The following HS3ST3B1 variants were observed in gnomAD, a reference collection of about 807,000 sequenced individuals.
HS3ST3B1 encodes heparan sulfate glucosamine 3-O-sulfotransferase 3B1.
A neutral mutation model predicts 21.3 loss-of-function variants in HS3ST3B1; 13 were observed. The observed-to-expected ratio is 0.61, with a 90% CI of 0.40 to 0.97. The LOEUF (loss-of-function observed/expected upper bound fraction) is 0.97, where lower values mean the gene tolerates loss of function less well. Among genes scored for constraint, HS3ST3B1 ranks in the 50% least tolerant of loss-of-function variants. The pLI, the probability that HS3ST3B1 is intolerant of heterozygous loss-of-function variation, is 0.00. For missense variants in HS3ST3B1, 459 were observed against 554.8 expected, an observed-to-expected ratio of 0.83 and a Z score of 1.73; for synonymous variants, 234 against 254.8, an observed-to-expected ratio of 0.92 and a Z score of 0.78.
chr17:14,316,759 C>T (rs550808358), intron 1 of HS3ST3B1, among the ~76,000 whole-genome samples: 4 of 152,302 alleles, frequency 2.6e-5, no homozygotes, highest in Admixed American at 2.0e-4. Context: ...TGAAAAGTGT[C>T]CTGCAGTTCA....
intron 1 of HS3ST3B1, among the ~76,000 whole-genome samples, chr17:14,320,268 A>T (rs188468528): frequency 2.3e-4 from 35 of 152,270 alleles, no homozygotes; most frequent in African/African-American, 7.0e-4. Context: ...TCTAGGCGGG[A>T]TGGGGCGCTG....
At chr17:14,329,428 A>T (rs978475463) in intron 1 of HS3ST3B1, 1 of 147,202 alleles carries the variant, frequency 6.8e-6, no homozygotes, top group African/African-American at 2.6e-5. Flanking sequence ...AGAGAGAGGA[A>T]GGAAGGAAGG....
chr17:14,319,712 G>A (rs1243184638), intron 1 of HS3ST3B1, among the ~76,000 whole-genome samples: 2 of 152,178 alleles, frequency 1.3e-5, no homozygotes, highest in Non-Finnish European at 2.9e-5. Context: ...CCAAGAGTGA[G>A]GGGGTAGACG....
chr17:14,338,282 C>T (rs535126118), intron 1 of HS3ST3B1, among the ~76,000 whole-genome samples: 119 of 151,446 alleles, frequency 7.9e-4, no homozygotes, highest in African/African-American at 2.2e-3. Context: ...CGTGCCGCCA[C>T]GCCCGGCTAA....
At chr17:14,315,566 T>C (rs1909470892) in intron 1 of HS3ST3B1, among the ~76,000 whole-genome samples, 1 of 152,158 alleles carries the variant, frequency 6.6e-6, no homozygotes, top group African/African-American at 2.4e-5. Context: ...CTCATGCCTG[T>C]AATCCCAGCA....
chr17:14,331,385 G>A (rs1217458810), intron 1 of HS3ST3B1, among the ~76,000 whole-genome samples: 2 of 152,180 alleles, frequency 1.3e-5, no homozygotes, highest in African/African-American at 4.8e-5. Context: ...CCAATGAAAG[G>A]GATCTTGAGT....
At chr17:14,314,204 C>A (rs1387140798) in intron 1 of HS3ST3B1, among the ~76,000 whole-genome samples, 2 of 149,070 alleles carry the variant, frequency 1.3e-5, no homozygotes, top group Admixed American at 6.7e-5. Context: ...GTCTTGAACT[C>A]CTGACCTCAG....
At chr17:14,327,593 T>G (rs1417779443) in intron 1 of HS3ST3B1, 6 of 152,232 alleles carry the variant, frequency 3.9e-5, no homozygotes, top group Non-Finnish European at 5.9e-5. Flanking sequence ...TCTTTGGACA[T>G]CAGGATACTG....
At chr17:14,330,483 C>T (rs1383599133) in intron 1 of HS3ST3B1, among the ~76,000 whole-genome samples, 1 of 151,864 alleles carries the variant, frequency 6.6e-6, no homozygotes, top group Admixed American at 6.6e-5. Flanking sequence ...ATGCCCAGTG[C>T]CCACTCTGCT....
In HS3ST3B1 at chr17:14,345,682, A is replaced by G; in HGVS notation, c.*36A>G. ...GCTATGTACCTTACCCACGTGGCTT[A>G]TCTATTGACAGAGATTATATGTATG... is the stretch of plus-strand genomic sequence containing the variant. On this transcript the variant is annotated 3_prime_UTR_variant, in exon 2 of 2. Coordinates refer to ENST00000360954, the MANE Select transcript of HS3ST3B1 (RefSeq NM_006041.3). 6.3e-7 allele frequency: 1 copy of G among 1,593,834 alleles called. No individual in the cohort carries two copies. The highest frequency in any genetic ancestry group is 8.6e-7 in the Non-Finnish European group (1 of 1,167,952).
intron 1 of HS3ST3B1, among the ~76,000 whole-genome samples, chr17:14,314,703 G>T (rs1480557038): frequency 6.6e-6 from 1 of 152,180 alleles, no homozygotes; most frequent in African/African-American, 2.4e-5. Context: ...GCTGGACCTG[G>T]TGAGCCCCTG....
intron 1 of HS3ST3B1, among the ~76,000 whole-genome samples, chr17:14,309,635 C>A (rs1909244340): frequency 6.6e-6 from 1 of 152,208 alleles, no homozygotes; most frequent in Non-Finnish European, 1.5e-5. Context: ...TCCTGAGCTG[C>A]CTTCGCTTTC....
Position 14,301,282 on chromosome 17 carries a change from G to A in HS3ST3B1, c.-237G>A, listed in dbSNP as rs1908905825. 1 of 492,514 alleles carries A rather than the reference G, an allele frequency of 2.0e-6. No homozygotes were observed. The highest frequency in any genetic ancestry group is 3.5e-6 in the Non-Finnish European group (1 of 283,234). 30.5% of individuals were successfully genotyped at this position (492,514 alleles called of 1,614,324 possible). ...CTCGCCCAGCAGTTACCGCCGTCCC[G>A]ACTTTCCGTTCCAGTTGCAGCTCCT... On this transcript the variant is annotated 5_prime_UTR_variant, in exon 1 of 2. Transcript: ENST00000360954.
At chr17:14,316,468 A>C (rs4791574) in intron 1 of HS3ST3B1, among the ~76,000 whole-genome samples, 61,388 of 152,028 alleles carry the variant, frequency 0.4, 14,498 homozygotes, top group Non-Finnish European at 0.53. Flanking sequence ...CTGTTTTCAA[A>C]GGTAAGTGTT....
At chr17:14,314,165 G>A (rs887848929) in intron 1 of HS3ST3B1, among the ~76,000 whole-genome samples, 21 of 151,698 alleles carry the variant, frequency 1.4e-4, no homozygotes, top group African/African-American at 4.6e-4. Flanking sequence ...TATTAGTAGA[G>A]ACAGGGTTTC....
chr17:14,308,083 T>C (rs1258155414), intron 1 of HS3ST3B1, among the ~76,000 whole-genome samples: 1 of 152,246 alleles, frequency 6.6e-6, no homozygotes, highest in East Asian at 1.9e-4. Context: ...ACTTTTTATA[T>C]ATTTAAAACA....
At chr17:14,326,495 AC>A (rs1909820984) in intron 1 of HS3ST3B1, among the ~76,000 whole-genome samples, 1 of 152,202 alleles carries the variant, frequency 6.6e-6, no homozygotes, top group South Asian at 2.1e-4. Flanking sequence ...TGTCTTAAAA[AC>A]AAATACAAAA....
intron 1 of HS3ST3B1, among the ~76,000 whole-genome samples, chr17:14,319,600 C>T (rs757182753): frequency 5.3e-5 from 8 of 152,146 alleles, no homozygotes; most frequent in African/African-American, 1.7e-4. Flanking sequence ...TCACTGGGTA[C>T]CTATTTTATG....
intron 1 of HS3ST3B1, among the ~76,000 whole-genome samples, chr17:14,302,861 G>A (rs547177714): frequency 2.0e-5 from 3 of 152,350 alleles, no homozygotes; most frequent in South Asian, 4.1e-4. Flanking sequence ...GGAAAGCAAG[G>A]ACGCGTGTCT....
Sources: gnomAD v4.1 joint callset for allele counts (sites outside exome capture counted in the v4.1 genomes callset) on GRCh38, gnomAD v4.1.1 for gene constraint, MANE v1.5 for transcripts, NCBI Gene and HGNC (gene_info 2026-07-23, HGNC 2026-07-21) for gene names.